The following BCAT1 variants were observed in gnomAD, a reference collection of about 807,000 sequenced individuals.
BCAT1 encodes branched-chain-amino-acid aminotransferase, cytosolic.
In BCAT1, 48 loss-of-function variants were observed where a neutral mutation model predicts 52.4. The ratio of observed to expected loss-of-function variants is 0.92; its 90% CI spans 0.73 to 1.16. The LOEUF (loss-of-function observed/expected upper bound fraction) is 1.16, where lower values mean the gene tolerates loss of function less well. Among genes scored for constraint, BCAT1 ranks in the 50% most tolerant of loss-of-function variants. BCAT1 has a pLI of 0.00. For missense variants in BCAT1, 451 were observed against 457.1 expected, an observed-to-expected ratio of 0.99 and a Z score of 0.12; for synonymous variants, 167 against 161.3, an observed-to-expected ratio of 1.04 and a Z score of -0.27.
intron 1 of BCAT1, among the ~76,000 whole-genome samples, chr12:24,905,565 C>T (rs2139691081): frequency 6.6e-6 from 1 of 152,282 alleles, no homozygotes; most frequent in Middle Eastern, 3.4e-3. Flanking sequence ...AAGGTTTGCT[C>T]TAAATAATTC....
intron 5 of BCAT1, among the ~76,000 whole-genome samples, chr12:24,855,748 T>C (rs1003746695): frequency 6.6e-6 from 1 of 152,170 alleles, no homozygotes; most frequent in Non-Finnish European, 1.5e-5. Context: ...AGACCTAACA[T>C]TCCTTTCTGC....
At chr12:24,869,538 G>A (rs1256548223) in intron 5 of BCAT1, among the ~76,000 whole-genome samples, 2 of 152,134 alleles carry the variant, frequency 1.3e-5, no homozygotes, top group Non-Finnish European at 2.9e-5. Context: ...CTAAACTAAG[G>A]AGAAAGTCCT....
chr12:24,840,067 G>A (rs1252902622), intron 7 of BCAT1, among the ~76,000 whole-genome samples: 6 of 152,036 alleles, frequency 3.9e-5, no homozygotes, highest in Non-Finnish European at 8.8e-5. Flanking sequence ...CAGTCTTAAG[G>A]TCTTGTATAT....
rs1939735692 is a variant in BCAT1 at position 24,812,885 on chromosome 12, C to T, written c.*5123G>A. The T allele has an allele frequency of 6.6e-6, 1 of 151,882 alleles. No individual in the cohort carries two copies. 9.4% of individuals were successfully genotyped at this position (151,882 alleles called of 1,614,324 possible). A position where few individuals can be genotyped will look rare whatever the true frequency, so the allele number is the denominator to read the frequency against. On this transcript the variant is annotated 3_prime_UTR_variant, in exon 11 of 11. Coordinates refer to ENST00000261192, the MANE Select transcript of BCAT1 (RefSeq NM_005504.7). The stretch of plus-strand genomic sequence containing the variant: ...ACAGCCTACATCAATTCTTACCATC[C>T]CAACAGTAGATTACATAAACTGAAC...
At chr12:24,943,191 T>G (rs921706136) in intron 1 of BCAT1, among the ~76,000 whole-genome samples, 1 of 152,152 alleles carries the variant, frequency 6.6e-6, no homozygotes, top group African/African-American at 2.4e-5. Flanking sequence ...TTGGCCATAC[T>G]TTTCATAAGA....
At chr12:24,834,925 C>A in intron 8 of BCAT1, 1 of 311,734 alleles carries the variant, frequency 3.2e-6, no homozygotes, top group Non-Finnish European at 4.7e-6. Context: ...TGACCCCCTA[C>A]ATGCCTCTTG....
chr12:24,899,151 C>A (rs1943029418), intron 2 of BCAT1, among the ~76,000 whole-genome samples: 1 of 152,128 alleles, frequency 6.6e-6, no homozygotes, highest in Non-Finnish European at 1.5e-5. Context: ...GAAAGATTCG[C>A]CAGGATGTGT....
At chr12:24,908,459 G>T (rs953188764) in intron 1 of BCAT1, among the ~76,000 whole-genome samples, 4 of 152,166 alleles carry the variant, frequency 2.6e-5, no homozygotes, top group Admixed American at 2.6e-4. Context: ...TAGCTGGGCC[G>T]GGCATGGTGG....
chr12:24,921,610 T>A (rs1199222460), intron 1 of BCAT1, among the ~76,000 whole-genome samples: 2 of 152,240 alleles, frequency 1.3e-5, no homozygotes, highest in Non-Finnish European at 2.9e-5. Context: ...GGATCTTTGA[T>A]ACACATACCT....
At chr12:24,909,555 CAGCTTCCTTTGGA>C in intron 1 of BCAT1, among the ~76,000 whole-genome samples, 1 of 152,296 alleles carries the variant, frequency 6.6e-6, no homozygotes, top group South Asian at 2.1e-4. Flanking sequence ...TGGACAGGCC[CAGCTTCCTTTGGA>C]ACCTGTAGGG....
At chr12:24,880,733 T>C (rs1350661136) in intron 4 of BCAT1, among the ~76,000 whole-genome samples, 4 of 152,224 alleles carry the variant, frequency 2.6e-5, no homozygotes, top group Non-Finnish European at 4.4e-5. Context: ...AGATACATTT[T>C]TCTTCCTTAC....
At chr12:24,831,364 G>A (rs1312782929) in intron 9 of BCAT1, among the ~76,000 whole-genome samples, 1 of 152,136 alleles carries the variant, frequency 6.6e-6, no homozygotes, top group Non-Finnish European at 1.5e-5. Flanking sequence ...AAAGTTATAT[G>A]TGGGCCGGGC....
At chr12:24,893,177 T>C (rs1046775230) in intron 3 of BCAT1, among the ~76,000 whole-genome samples, 7 of 152,236 alleles carry the variant, frequency 4.6e-5, no homozygotes, top group Non-Finnish European at 7.3e-5. Context: ...TGTGTAATAT[T>C]AGTCAAGAAA....
chr12:24,832,262 G>A (rs1179134689), intron 9 of BCAT1, among the ~76,000 whole-genome samples: 6 of 152,212 alleles, frequency 3.9e-5, no homozygotes, highest in African/African-American at 1.4e-4. Flanking sequence ...GATCTTACAC[G>A]TGTCCAAGGA....
At chr12:24,948,668 C>G (rs1943973239) in intron 1 of BCAT1, among the ~76,000 whole-genome samples, 1 of 152,174 alleles carries the variant, frequency 6.6e-6, no homozygotes, top group South Asian at 2.1e-4. Context: ...AGCAGACTTT[C>G]ACCTCCGTTC....
At chr12:24,941,538 C>T (rs1943848649) in intron 1 of BCAT1, among the ~76,000 whole-genome samples, 1 of 152,116 alleles carries the variant, frequency 6.6e-6, no homozygotes, top group African/African-American at 2.4e-5. Flanking sequence ...CTTGAAAGTC[C>T]AGAAATAGGC....
At chr12:24,846,204 T>C (rs1312144922) in intron 6 of BCAT1, among the ~76,000 whole-genome samples, 3 of 152,250 alleles carry the variant, frequency 2.0e-5, no homozygotes, top group African/African-American at 7.2e-5. Flanking sequence ...TTCAATGCAC[T>C]GAAAAGAAAA....
intron 4 of BCAT1, among the ~76,000 whole-genome samples, chr12:24,880,950 T>C (rs1349665554): frequency 6.6e-6 from 1 of 152,076 alleles, no homozygotes; most frequent in East Asian, 1.9e-4. Flanking sequence ...GCAATTCTCA[T>C]GCCTCAGCCA....
chr12:24,938,872 T>TTATG (rs1019561366), intron 1 of BCAT1, among the ~76,000 whole-genome samples: 3 of 151,780 alleles, frequency 2.0e-5, no homozygotes, highest in African/African-American at 7.3e-5. Context: ...TGCTATTTAT[T>TTATG]TATTTATTTA....
Sources: gnomAD v4.1 joint callset for allele counts (sites outside exome capture counted in the v4.1 genomes callset) on GRCh38, gnomAD v4.1.1 for gene constraint, MANE v1.5 for transcripts, NCBI Gene and HGNC (gene_info 2026-07-23, HGNC 2026-07-21) for gene names.